The following GAK variants were observed in gnomAD, a reference collection of about 807,000 sequenced individuals.
GAK encodes the protein cyclin-G-associated kinase.
Under a neutral mutation model 143.9 loss-of-function variants are expected in GAK, and 79 were observed. The observed-to-expected ratio is 0.55, with a 90% CI of 0.46 to 0.66. The LOEUF (loss-of-function observed/expected upper bound fraction) is 0.66, where lower values mean the gene tolerates loss of function less well. Among genes scored for constraint, GAK ranks in the 30% least tolerant of loss-of-function variants. GAK has a pLI of 0.00. For missense variants in GAK, 1,693 were observed against 1,779.7 expected (o/e 0.95, Z 0.88); for synonymous variants, 881 against 765.5 (o/e 1.15, Z -2.49).
At chr4:864,573 G>A (rs1038732284) in intron 23 of GAK, among the ~76,000 whole-genome samples, 2 of 152,192 alleles carry the variant, frequency 1.3e-5, no homozygotes, top group South Asian at 2.1e-4. Context: ...CCAGGGTGAC[G>A]GGAAGGACAG....
intron 24 of GAK, chr4:859,108 G>A: frequency 1.1e-6 from 1 of 942,038 alleles, no homozygotes; most frequent in Non-Finnish European, 1.3e-6. Context: ...TCAGCCCAAG[G>A]AGACTTGAAG....
At chr4:907,652 G>C (rs1721318726) in intron 4 of GAK, among the ~76,000 whole-genome samples, 1 of 152,232 alleles carries the variant, frequency 6.6e-6, no homozygotes, top group African/African-American at 2.4e-5. Context: ...ACACTGGAGG[G>C]GTTGCCTCAT....
chr4:902,596 CA>C lies in GAK; in HGVS notation c.525+2040del, dbSNP rs768017849. The stretch of plus-strand genomic sequence containing the variant: ...AGCCTGGGCTGTAGAGTGACTGACT[CA>C]AAAAAAAAAAAAAAAAACCCCAAAA... On this transcript the variant is annotated intron_variant, in intron 5 of 27. Coordinates refer to ENST00000314167, the MANE Select transcript of GAK (RefSeq NM_005255.4). Among the ~76,000 whole-genome samples, 42 of 60,722 alleles carry C rather than the reference CA, an allele frequency of 6.9e-4. 1 individual carries two copies. The highest frequency in any genetic ancestry group is 2.7e-3 in the East Asian group (5 of 1,868). The allele number at this position is 60,722 out of a possible 152,430, so 39.8% of individuals were successfully genotyped here. A position where few individuals can be genotyped will look rare whatever the true frequency, so the allele number is the denominator to read the frequency against.
chr4:884,177 G>A, intron 11 of GAK, 91 bp from the exon 12 acceptor site: 1 of 1,140,878 alleles, frequency 8.8e-7, no homozygotes, highest in South Asian at 1.3e-5. Context: ...GCCTGGAGAA[G>A]CCGTGGGGCT....
chr4:885,749 T>C (rs1716202836), intron 11 of GAK: 1 of 148,948 alleles, frequency 6.7e-6, no homozygotes, highest in Non-Finnish European at 1.5e-5. Context: ...GAAGCACAAA[T>C]GAATTCACTG....
intron 18 of GAK, among the ~76,000 whole-genome samples, chr4:875,947 A>C (rs1205792453): frequency 6.6e-6 from 1 of 152,242 alleles, no homozygotes; most frequent in Admixed American, 6.5e-5. Flanking sequence ...TCTCAAAAAA[A>C]AAGACAGACC....
intron 5 of GAK, among the ~76,000 whole-genome samples, chr4:902,673 G>A (rs1176566832): frequency 6.7e-6 from 1 of 149,490 alleles, no homozygotes; most frequent in African/African-American, 2.5e-5. Flanking sequence ...ACCATGGGCA[G>A]GCCAGGCACA....
chr4:911,725 C>T lies in GAK; in HGVS notation c.330G>A (p.Glu110=), dbSNP rs774679249. The change falls in exon 4 of 28, where the codon GAG becomes GAA. Residue 110 remains glutamate, a synonymous_variant. Transcript: ENST00000314167. Reference sequence around the variant, plus strand: ...ACTCAGCCTGCCCCGTGTCTGACTCCTCTTTTCCTATAGACGCTGCAGAAC... The same window carrying T: ...ACTCAGCCTGCCCCGTGTCTGACTCTTCTTTTCCTATAGACGCTGCAGAAC... ...QFCSAASIGK[E]ESDTGQAEFL... The T allele has an allele frequency of 2.5e-6, 4 of 1,613,972 alleles. No individual in the cohort carries two copies. The highest frequency in any genetic ancestry group is 3.4e-6 in the Non-Finnish European group (4 of 1,179,976).
At chr4:877,572 G>T (rs748481555) in intron 16 of GAK, 43 bp downstream of exon 16, 4 of 1,522,410 alleles carry the variant, frequency 2.6e-6, no homozygotes, top group Non-Finnish European at 3.5e-6. Context: ...TTCCGGAGGG[G>T]TGAGGAGGAG....
Position 876,556 on chromosome 4 carries a change from C to T in GAK, c.2028G>A (p.Arg676=). The T allele has an allele frequency of 6.2e-7, 1 of 1,614,194 alleles. No individual in the cohort carries two copies. The highest frequency in any genetic ancestry group is 1.3e-5 in the African/African-American group (1 of 75,070). ...TGGCAAATTTCACAGTGGTGGCGTT[C>T]CGAGGCACAAACCCCGTGTGGAACT... ...QIQFHTGFVP[R]NATTVKFAKY... is the part of the protein sequence containing the mutation. Residue 676 remains arginine, a synonymous_variant, in exon 18 of 28, where the codon CGG becomes CGA. Coordinates refer to ENST00000314167, the MANE Select transcript of GAK (RefSeq NM_005255.4).
chr4:854,816 C>A (rs1248347232), intron 24 of GAK, among the ~76,000 whole-genome samples: 3 of 152,136 alleles, frequency 2.0e-5, no homozygotes, highest in Admixed American at 2.0e-4. Flanking sequence ...GAGGCCGAGG[C>A]GGGCGGATCA....
intron 2 of GAK, among the ~76,000 whole-genome samples, 169 bp from the exon 3 acceptor site, chr4:912,963 G>A (rs1560425459): frequency 1.3e-5 from 2 of 152,238 alleles, no homozygotes; most frequent in Non-Finnish European, 2.9e-5. Context: ...CGTGCTGGGG[G>A]TTCAAGACCC....
chr4:897,187 C>T (rs1037718552), intron 6 of GAK, among the ~76,000 whole-genome samples: 1 of 152,224 alleles, frequency 6.6e-6, no homozygotes, highest in African/African-American at 2.4e-5. Flanking sequence ...ACACAAACCC[C>T]ATCCTCAGCT....
At chr4:879,204 C>A (rs1311858104) in intron 15 of GAK, among the ~76,000 whole-genome samples, 1 of 152,172 alleles carries the variant, frequency 6.6e-6, no homozygotes, top group Non-Finnish European at 1.5e-5. Context: ...GCTCTTCCCC[C>A]ACCATCCTGT....
intron 4 of GAK, among the ~76,000 whole-genome samples, chr4:905,283 T>A (rs1462595528): frequency 6.6e-6 from 1 of 152,162 alleles, no homozygotes; most frequent in Non-Finnish European, 1.5e-5. Flanking sequence ...GTTGCTTCAT[T>A]CTTTCTTTGT....
chr4:868,910 C>G (rs962944102), intron 19 of GAK: 2 of 552,692 alleles, frequency 3.6e-6, no homozygotes, highest in Non-Finnish European at 6.5e-6. Flanking sequence ...GCACAGCACA[C>G]GCACACATGA....
At chr4:931,150 G>A (rs1022974135) in intron 1 of GAK, among the ~76,000 whole-genome samples, 2 of 152,224 alleles carry the variant, frequency 1.3e-5, no homozygotes, top group Non-Finnish European at 2.9e-5. Context: ...GGACCCACTG[G>A]CACTGGTGAT....
chr4:851,211 C>G, intron 25 of GAK, 127 bp from the exon 26 acceptor site: 1 of 729,266 alleles, frequency 1.4e-6, no homozygotes, highest in South Asian at 1.8e-5. Flanking sequence ...GATCCTCTTG[C>G]CTCAGCCTCC....
intron 5 of GAK, among the ~76,000 whole-genome samples, chr4:899,308 T>C (rs930276634): frequency 2.0e-5 from 3 of 152,168 alleles, no homozygotes; most frequent in African/African-American, 7.2e-5. Context: ...CGTGGCAGGA[T>C]GGCCAGCACA....
Sources: gnomAD v4.1 joint callset for allele counts (sites outside exome capture counted in the v4.1 genomes callset) on GRCh38, gnomAD v4.1.1 for gene constraint, MANE v1.5 for transcripts, NCBI Gene and HGNC (gene_info 2026-07-23, HGNC 2026-07-21) for gene names.